Variants in TRIOBP observed in about 807,000 individuals in gnomAD.
TRIOBP encodes the protein TRIO and F-actin-binding protein.
In TRIOBP, 169 loss-of-function variants were observed where a neutral mutation model predicts 238.8. That is an observed-to-expected ratio of 0.71 (90% CI 0.62 to 0.80). The LOEUF (loss-of-function observed/expected upper bound fraction) is 0.80, where lower values mean the gene tolerates loss of function less well. TRIOBP is among the 30% of genes least tolerant of loss of function. TRIOBP has a pLI of 0.00. For missense variants in TRIOBP, 2,838 were observed against 3,122.6 expected (o/e 0.91, Z 2.17); for synonymous variants, 1,150 against 1,274.4 (o/e 0.90, Z 2.08).
In TRIOBP at chr22:37,725,255, C is replaced by T. The variant is rs1437030750; in HGVS notation, c.2699C>T (p.Thr900Ile). ...CCCAGGAATTCATCTCCCCATCGTA[C>T]TAACAAAGACATCCCCTGGGCCTCG... ...NNPRNSSPHRTNKDIPWASFP... is the reference protein window; with the variant it reads ...NNPRNSSPHRINKDIPWASFP... The change falls in exon 7 of 24, where the codon ACT (threonine) becomes ATT (isoleucine). Residue 900 changes from threonine (T) to isoleucine (I), a missense_variant. Around this residue, in one of 5 missense-constraint regions of TRIOBP, gnomAD observed 2,096 missense variants for 2,137.4 expected, o/e 0.98. Transcript: ENST00000644935. The T allele has an allele frequency of 1.2e-6, 2 of 1,614,064 alleles. No homozygotes were observed. The highest frequency in any genetic ancestry group is 1.7e-6 in the Non-Finnish European group (2 of 1,180,028).
Position 37,759,151 on chromosome 22 carries a change from T to G in TRIOBP, c.6214-3T>G, listed in dbSNP as rs1414472991. The stretch of plus-strand genomic sequence containing the variant: ...TCCCACTGACCACCCTTCTCCCTCG[T>G]AGGTTCAGGCTCTTCGGGCCCAGCT... On this transcript the variant is annotated splice_polypyrimidine_tract_variant and splice_region_variant and intron_variant, in intron 16 of 23. Transcript: ENST00000644935. 4.3e-6 allele frequency: 7 copies of G among 1,609,838 alleles called. No individual in the cohort carries two copies. Among genetic ancestry groups the G allele is most frequent in the Non-Finnish European group, 5.9e-6 (7 of 1,178,656 alleles).
At chr22:37,722,445 G>A (rs1289007517) in intron 6 of TRIOBP, among the ~76,000 whole-genome samples, 1 of 108,582 alleles carries the variant, frequency 9.2e-6, no homozygotes, top group Non-Finnish European at 2.0e-5. Flanking sequence ...AAAAAAAAAA[G>A]GTCGGGCATG....
chr22:37,726,997 C>T (rs184653529), intron 7 of TRIOBP, among the ~76,000 whole-genome samples: 1 of 151,788 alleles, frequency 6.6e-6, no homozygotes, highest in East Asian at 1.9e-4. Flanking sequence ...ACCTCCACCT[C>T]CTGGGTTCAA....
rs1926461723 is a variant in TRIOBP at position 37,765,774 on chromosome 22, G to A, written c.6429G>A (p.Glu2143=). The A allele has an allele frequency of 1.9e-6, 3 of 1,590,240 alleles. No homozygotes were observed. The East Asian group carries it at 6.9e-5, about 36-fold the overall frequency. Residue 2143 remains glutamate (E), a synonymous_variant, in exon 18 of 24, where the codon GAG becomes GAA. Transcript: ENST00000644935. ...GGGAGCTGCAGCGCCTGCAGCAGGA[G>A]AAGGAGTGGCTCCTGGCTGAGGAGA... ...HERELQRLQQ[E]KEWLLAEETA...
rs371468152 is a variant in TRIOBP, at chr22:37,725,565, C to T, written c.3009C>T (p.Pro1003=). ...SPVYPAAYGA[P]LTSPEPSQPP... ...TGTACCCCGCTGCCTATGGGGCTCC[C>T]CTGACCTCTCCTGAGCCCTCCCAGC... The change falls in exon 7 of 24, where the codon CCC becomes CCT. Residue 1003 remains proline, a synonymous_variant. Coordinates refer to ENST00000644935, the MANE Select transcript of TRIOBP (RefSeq NM_001039141.3). 2 of 1,613,698 alleles carry T rather than the reference C, an allele frequency of 1.2e-6. No individual in the cohort carries two copies. The highest frequency in any genetic ancestry group is 1.7e-6 in the Non-Finnish European group (2 of 1,180,018).
chr22:37,757,077 A>G (rs1925962851), intron 15 of TRIOBP, among the ~76,000 whole-genome samples: 1 of 152,190 alleles, frequency 6.6e-6, no homozygotes, highest in African/African-American at 2.4e-5. Context: ...AAAGAGGGCA[A>G]AGAGACCAGT....
intron 9 of TRIOBP, among the ~76,000 whole-genome samples, chr22:37,737,469 G>T (rs1924727456): frequency 6.6e-6 from 1 of 151,978 alleles, no homozygotes; most frequent in Non-Finnish European, 1.5e-5. Context: ...ACACCAGCCT[G>T]GCTAACACGG....
At chr22:37,736,110 CG>C (rs1199246716) in intron 9 of TRIOBP, among the ~76,000 whole-genome samples, 1 of 152,184 alleles carries the variant, frequency 6.6e-6, no homozygotes, top group African/African-American at 2.4e-5. Context: ...GTGGGCCCAG[CG>C]CCGGGCACAC....
rs764421619 is a variant in TRIOBP at position 37,772,665 on chromosome 22, G to A, written c.7001G>A (p.Arg2334Gln). Residue 2334 changes from arginine to glutamine, a missense_variant, in exon 23 of 24, where the codon CGG (arginine) becomes CAG (glutamine). Arg to Gln is a conservative substitution (Grantham distance 43). Transcript: ENST00000644935. ...VYVELSHIKT[R>Q]SEREIEQLKE... The stretch of plus-strand genomic sequence containing the variant: ...GTGGAGCTGAGCCACATCAAGACAC[G>A]GTCTGAGCGGGAGATCGAGCAGCTG... The A allele has an allele frequency of 2.1e-5, 34 of 1,614,056 alleles. No homozygotes were observed. The East Asian group carries it at 2.9e-4, about 14-fold the overall frequency.
intron 11 of TRIOBP, chr22:37,746,079 T>C (rs1601648311): frequency 1.1e-5 from 2 of 186,860 alleles, no homozygotes; most frequent in Non-Finnish European, 1.5e-5. Context: ...CCCGCCGCCC[T>C]AGCGCGCCCG....
chr22:37,719,981 T>TCCCTCATCACACTG, intron 6 of TRIOBP, among the ~76,000 whole-genome samples: 1 of 135,284 alleles, frequency 7.4e-6, no homozygotes, highest in Non-Finnish European at 1.6e-5. Flanking sequence ...ACTCACTGTT[T>TCCCTCATCACACTG]CACTCATCCC....
rs1924089541 is a variant in TRIOBP, at chr22:37,725,486, C to T, written c.2930C>T (p.Thr977Ile). 2 of 1,613,582 alleles carry T rather than the reference C, an allele frequency of 1.2e-6. No individual in the cohort carries two copies. The highest frequency in any genetic ancestry group is 8.5e-7 in the Non-Finnish European group (1 of 1,179,946). ...CAGTACAACTTGCCATCCCGGGCCA[C>T]CTCTTCCTCCCATAACCCAGGCCAC... is the stretch of plus-strand genomic sequence containing the variant. ...PTQYNLPSRA[T>I]SSSHNPGHQS... The change falls in exon 7 of 24, where the codon ACC becomes ATC. Residue 977 changes from threonine (T) to isoleucine (I), a missense_variant. Physicochemically the swap from Thr to Ile is moderately conservative, Grantham distance 89. Coordinates refer to ENST00000644935, the MANE Select transcript of TRIOBP (RefSeq NM_001039141.3).
chr22:37,725,696 C>A lies in TRIOBP; in HGVS notation c.3140C>A (p.Pro1047His), dbSNP rs1164862376. 1.2e-6 allele frequency: 2 copies of A among 1,613,434 alleles called. No individual in the cohort carries two copies. The highest frequency in any genetic ancestry group is 1.7e-6 in the Non-Finnish European group (2 of 1,179,892). Residue 1047 changes from proline (P) to histidine (H), a missense_variant, in exon 7 of 24, where the codon CCT becomes CAT. Pro to His is a moderately conservative substitution (Grantham distance 77). Coordinates refer to ENST00000644935, the MANE Select transcript of TRIOBP (RefSeq NM_001039141.3). ...PFPFFPEPRA[P>H]ESEPPHHEPP... is the part of the protein sequence containing the mutation. ...CCCTTCTTCCCAGAGCCCCGCGCCCCTGAGAGTGAACCGCCCCACCACGAG... is the reference window on the plus strand; with the variant it reads ...CCCTTCTTCCCAGAGCCCCGCGCCCATGAGAGTGAACCGCCCCACCACGAG...
At chr22:37,767,479 T>G (rs553860447) in intron 18 of TRIOBP, among the ~76,000 whole-genome samples, 3 of 152,300 alleles carry the variant, frequency 2.0e-5, no homozygotes, top group East Asian at 3.9e-4. Context: ...GTTGGGGCAT[T>G]TACTCTGAGC....
At chr22:37,710,364 T>C in intron 3 of TRIOBP, 63 bp from the exon 4 acceptor site, 3 of 1,605,670 alleles carry the variant, frequency 1.9e-6, no homozygotes, top group Non-Finnish European at 1.7e-6. Flanking sequence ...GGAGGGGCTG[T>C]GCAGGGGGAG....
At position 37,734,964 on chromosome 22, in the gene TRIOBP, G is replaced by A; in HGVS notation, c.4628G>A (p.Gly1543Glu). ...ACTGCTGTGGGCTGGGGGGCAGAGGGAGCGTGTCCATACCCGCGTGGCTCT... is the reference window on the plus strand; with the variant it reads ...ACTGCTGTGGGCTGGGGGGCAGAGGAAGCGTGTCCATACCCGCGTGGCTCT... ...TPTAVGWGAEGACPYPRGSER... is the reference protein window; with the variant it reads ...TPTAVGWGAEEACPYPRGSER... Residue 1543 changes from glycine (G) to glutamate (E), a missense_variant, in exon 9 of 24, where the codon GGA becomes GAA. Gly to Glu is a moderately conservative substitution (Grantham distance 98). Coordinates refer to ENST00000644935, the MANE Select transcript of TRIOBP (RefSeq NM_001039141.3). The A allele has an allele frequency of 6.2e-7, 1 of 1,613,492 alleles. No homozygotes were observed. The highest frequency in any genetic ancestry group is 8.5e-7 in the Non-Finnish European group (1 of 1,180,010).
chr22:37,767,332 A>T (rs1295911143), intron 18 of TRIOBP, among the ~76,000 whole-genome samples: 3 of 151,360 alleles, frequency 2.0e-5, no homozygotes, highest in Non-Finnish European at 4.4e-5. Context: ...AAAAAAGGAG[A>T]GAAACTTTCA....
chr22:37,703,823 T>TC (rs1922787633), intron 3 of TRIOBP, among the ~76,000 whole-genome samples: 1 of 151,920 alleles, frequency 6.6e-6, no homozygotes, highest in African/African-American at 2.4e-5. Flanking sequence ...TCTTGATACC[T>TC]CCAATAATAG....
chr22:37,759,715 A>G, intron 17 of TRIOBP: 7 of 1,482,700 alleles, frequency 4.7e-6, no homozygotes, highest in Non-Finnish European at 6.3e-6. Flanking sequence ...GGGAGCCTCC[A>G]GTAGCCCTCA....
Sources: allele counts gnomAD v4.1 joint callset (sites outside exome capture counted in the v4.1 genomes callset), GRCh38; gene constraint gnomAD v4.1.1; regional missense constraint gnomAD v4.1.1; transcripts MANE v1.5; gene names NCBI Gene and HGNC (gene_info 2026-07-23, HGNC 2026-07-21).